SENP6: variants seen among roughly 807,000 people sequenced by gnomAD.
The protein encoded by SENP6 is SUMO specific peptidase 6.
In SENP6, 41 loss-of-function variants were observed where a neutral mutation model predicts 134.5. That is an observed-to-expected ratio of 0.30 (90% CI 0.24 to 0.40). The LOEUF (loss-of-function observed/expected upper bound fraction) is 0.40. Ranked by LOEUF, SENP6 falls within the 10% of genes least tolerant of loss-of-function variation. The pLI is 1.00. For synonymous variants in SENP6, 395 were observed against 429.8 expected, an observed-to-expected ratio of 0.92 and a Z score of 1.00; for missense variants, 1,248 against 1,312.5, an observed-to-expected ratio of 0.95 and a Z score of 0.76.
At chr6:75,630,988 T>G (rs1022123013) in intron 3 of SENP6, among the ~76,000 whole-genome samples, 3 of 152,186 alleles carry the variant, frequency 2.0e-5, no homozygotes, top group Non-Finnish European at 4.4e-5. Flanking sequence ...CTTTTATCTT[T>G]AGCTCTAAGC....
In SENP6 at chr6:75,664,859, A is replaced by G. The variant is rs1772073085; in HGVS notation, c.994+1341A>G. Among the ~76,000 whole-genome samples, 4 of 152,214 alleles carry G rather than the reference A, an allele frequency of 2.6e-5. No individual in the cohort carries two copies. The South Asian group carries it at 6.2e-4, about 24-fold the overall frequency. The stretch of plus-strand genomic sequence containing the variant: ...CTGGGGATATAGCAGTGAATAAGAC[A>G]CTGTCCCTGTTCTCTTATAGTTTAT... On this transcript the variant is annotated intron_variant, in intron 9 of 23. Transcript: ENST00000447266.
chr6:75,677,141 A>AT lies in SENP6; in HGVS notation c.1740dup (p.Ala581CysfsTer6). On this transcript the variant is annotated frameshift_variant, in exon 14 of 24. Coordinates refer to ENST00000447266, the MANE Select transcript of SENP6 (RefSeq NM_015571.4). LOFTEE classifies it high-confidence loss of function. ...ATTGGTATAAAGAATAACATCTCCA[A>AT]TTTTTTTGCGAAAATTCCCTTTGAA... is the stretch of plus-strand genomic sequence containing the variant. 2 of 1,611,598 alleles carry AT rather than the reference A, an allele frequency of 1.2e-6. No homozygotes were observed. The highest frequency in any genetic ancestry group is 1.7e-6 in the Non-Finnish European group (2 of 1,178,382).
chr6:75,693,408 T>TAA (rs1209252989), intron 16 of SENP6, among the ~76,000 whole-genome samples: 3 of 112,854 alleles, frequency 2.7e-5, no homozygotes, highest in Admixed American at 8.1e-5. Context: ...AGTCTGAAAT[T>TAA]TAAAAAAAAA....
chr6:75,637,276 A>G (rs977659144), intron 5 of SENP6, among the ~76,000 whole-genome samples: 1 of 152,174 alleles, frequency 6.6e-6, no homozygotes, highest in Admixed American at 6.5e-5. Flanking sequence ...TTTTAAGTAA[A>G]TCAGTCCTGC....
Position 75,647,447 on chromosome 6 carries a change from G to A in SENP6, c.480-284G>A, listed in dbSNP as rs1005468959. ...TGTTCCACGATTGCTGATCTTGTAC[G>A]TAACGTTTTTTGTTCTGATTTTGGA... On this transcript the variant is annotated intron_variant, in intron 6 of 23. Transcript: ENST00000447266. 3.0e-5 allele frequency: 7 copies of A among 231,502 alleles called. No individual in the cohort carries two copies. In the South Asian group the frequency reaches 3.6e-4, roughly 12 times the overall value. The allele number at this position is 231,502 out of a possible 1,614,324, so 14.3% of individuals were successfully genotyped here.
intron 16 of SENP6, among the ~76,000 whole-genome samples, chr6:75,684,094 C>T (rs1451402399): frequency 6.6e-6 from 1 of 152,094 alleles, no homozygotes; most frequent in East Asian, 1.9e-4. Context: ...TTGTAATTGT[C>T]CTTGAAGAGG....
chr6:75,705,731 ATTT>A (rs1775346489), intron 19 of SENP6, among the ~76,000 whole-genome samples: 5 of 151,012 alleles, frequency 3.3e-5, no homozygotes, highest in Admixed American at 1.3e-4. Context: ...GATCTAATAC[ATTT>A]TTCTTCTTTT....
intron 7 of SENP6, among the ~76,000 whole-genome samples, chr6:75,648,702 A>T (rs912543755): frequency 3.3e-5 from 5 of 152,248 alleles, no homozygotes; most frequent in African/African-American, 1.2e-4. Context: ...AGTAATAGTG[A>T]CTACTCTCTT....
chr6:75,622,102 A>G (rs1768317421), intron 2 of SENP6, among the ~76,000 whole-genome samples: 1 of 152,210 alleles, frequency 6.6e-6, no homozygotes. Context: ...AGAAAGCAGA[A>G]CCATTATAAA....
intron 16 of SENP6, among the ~76,000 whole-genome samples, chr6:75,682,391 A>G (rs79560405): frequency 0.021 from 3,192 of 150,408 alleles, 112 homozygotes; most frequent in African/African-American, 0.074. Context: ...TCTACTCAAC[A>G]TCAGGATTAT....
chr6:75,636,496 A>G (rs987056683), intron 5 of SENP6, among the ~76,000 whole-genome samples: 1 of 152,218 alleles, frequency 6.6e-6, no homozygotes, highest in Non-Finnish European at 1.5e-5. Context: ...GATGAGGTGC[A>G]TAAAGATGAA....
intron 20 of SENP6, among the ~76,000 whole-genome samples, chr6:75,709,841 T>C (rs537335195): frequency 6.6e-5 from 10 of 152,134 alleles, no homozygotes; most frequent in Non-Finnish European, 1.5e-4. Flanking sequence ...AAAAAGACTT[T>C]ATAAAGTCTT....
chr6:75,692,627 A>G (rs1774354461), intron 16 of SENP6, among the ~76,000 whole-genome samples: 1 of 151,976 alleles, frequency 6.6e-6, no homozygotes, highest in Non-Finnish European at 1.5e-5. Context: ...CTTTATCTCA[A>G]AGAAATAAAT....
chr6:75,681,305 C>T (rs903961880), intron 16 of SENP6, among the ~76,000 whole-genome samples: 1 of 152,146 alleles, frequency 6.6e-6, no homozygotes, highest in Non-Finnish European at 1.5e-5. Flanking sequence ...CTCTGTTACT[C>T]CTGCTCTGGC....
At chr6:75,604,766 A>G (rs1766904236) in intron 1 of SENP6, among the ~76,000 whole-genome samples, 1 of 152,186 alleles carries the variant, frequency 6.6e-6, no homozygotes, top group African/African-American at 2.4e-5. Flanking sequence ...GGTGTCTTAC[A>G]CTTTTAATAA....
At position 75,718,130 on chromosome 6, in the gene SENP6, ATGCAGTAATTTTTC is replaced by A. The variant is rs754443071; in HGVS notation, c.*2538_*2551del. The A allele has an allele frequency of 6.6e-6, 1 of 152,178 alleles. No individual in the cohort carries two copies. The highest frequency in any genetic ancestry group is 1.5e-5 in the Non-Finnish European group (1 of 68,010). 9.4% of individuals were successfully genotyped at this position (152,178 alleles called of 1,614,324 possible). A position where few individuals can be genotyped will look rare whatever the true frequency, so the allele number is the denominator to read the frequency against. ...ATCTTGTTTTAAGCCACCAAAATGAATGCAGTAATTTTTCTTTAAAAAAATGATCTCTGAAAACT... is the reference window on the plus strand; with the variant it reads ...ATCTTGTTTTAAGCCACCAAAATGAATTTAAAAAAATGATCTCTGAAAACT... On this transcript the variant is annotated 3_prime_UTR_variant, in exon 24 of 24. Coordinates refer to ENST00000447266, the MANE Select transcript of SENP6 (RefSeq NM_015571.4).
rs1484732393 is a variant in SENP6 at position 75,697,489 on chromosome 6, G to T, written c.2260G>T (p.Asp754Tyr). ...CCGGCACGTAGATATTTTTGAGAAG[G>T]ATTTTATTTTTGTACCCCTTAATGA... Reference protein sequence around the residue: ...WTRHVDIFEKDFIFVPLNEAA... With the variant: ...WTRHVDIFEKYFIFVPLNEAA... Residue 754 changes from aspartate (D) to tyrosine (Y), a missense_variant, in exon 18 of 24, where the codon GAT (aspartate) becomes TAT (tyrosine). Physicochemically the swap from Asp to Tyr is radical, Grantham distance 160. Coordinates refer to ENST00000447266, the MANE Select transcript of SENP6 (RefSeq NM_015571.4). 2 of 1,613,316 alleles carry T rather than the reference G, an allele frequency of 1.2e-6. No homozygotes were observed. Among genetic ancestry groups the T allele is most frequent in the Admixed American group, 1.7e-5 (1 of 59,972 alleles).
intron 10 of SENP6, among the ~76,000 whole-genome samples, chr6:75,670,244 G>T (rs1374424205): frequency 1.3e-5 from 2 of 152,158 alleles, no homozygotes; most frequent in Admixed American, 1.3e-4. Flanking sequence ...ACTGCTCCCG[G>T]CCAAGATCAC....
intron 1 of SENP6, 58 bp downstream of exon 1, chr6:75,602,634 C>T (rs1766717022): frequency 6.6e-7 from 1 of 1,513,184 alleles, no homozygotes; most frequent in Admixed American, 2.0e-5. Context: ...AAACGTGGCC[C>T]CCAGAACCCC....
Sources: allele counts gnomAD v4.1 joint callset (sites outside exome capture counted in the v4.1 genomes callset), GRCh38; gene constraint gnomAD v4.1.1; transcripts MANE v1.5; gene names NCBI Gene and HGNC (gene_info 2026-07-23, HGNC 2026-07-21).